The following HECTD4 variants were observed in gnomAD, a reference collection of about 807,000 sequenced individuals.
HECTD4 encodes HECT domain E3 ubiquitin protein ligase 4, also known as probable E3 ubiquitin-protein ligase HECTD4.
Under a neutral mutation model 471.5 loss-of-function variants are expected in HECTD4, and 114 were observed. That is an observed-to-expected ratio of 0.24 (90% confidence interval 0.21 to 0.28). The LOEUF (loss-of-function observed/expected upper bound fraction) is 0.28. HECTD4 is among the 10% of genes least tolerant of loss of function. The probability of loss-of-function intolerance (pLI) is 1.00; values close to 1 mark genes in which losing one functional copy is unlikely to be tolerated. For synonymous variants in HECTD4, 2,012 were observed against 2,256.0 expected (o/e 0.89, Z 3.07); for missense variants, 3,866 against 5,651.5 (o/e 0.68, Z 10.13).
At chr12:112,216,423 T>C (rs1392677049) in intron 47 of HECTD4, 52 bp from the exon 48 acceptor site, 2 of 1,241,622 alleles carry the variant, frequency 1.6e-6, no homozygotes, top group Non-Finnish European at 2.3e-6. Context: ...TAAGCCTCAC[T>C]GGCCAACACA....
At chr12:112,314,677 TG>T (rs1053170598) in intron 2 of HECTD4, 131 bp from the exon 3 acceptor site, 1 of 616,010 alleles carries the variant, frequency 1.6e-6, no homozygotes, top group African/African-American at 1.8e-5. Context: ...GGTCAGATGA[TG>T]TGTTGTAAAA....
Position 112,164,240 on chromosome 12 carries a change from A to G in HECTD4, c.12570T>C (p.Ala4190=), listed in dbSNP as rs556039865. The change falls in exon 73 of 76, where the codon GCT becomes GCC. Residue 4190 remains alanine, a synonymous_variant. Transcript: ENST00000682272. ...NDETELEALC[A]EIASQHLATE... ...TGGCCAGGTGCTGGGAGGCGATCTC[A>G]GCGCACAGGGCCTCCAGCTCGGTCT... 1.2e-6 allele frequency: 2 copies of G among 1,613,494 alleles called. No individual in the cohort carries two copies. Among genetic ancestry groups the G allele is most frequent in the East Asian group, 2.2e-5 (1 of 44,872 alleles).
chr12:112,309,664 C>A lies in HECTD4; in HGVS notation c.922G>T (p.Asp308Tyr). 1 of 1,506,208 alleles carries A rather than the reference C, an allele frequency of 6.6e-7. No individual in the cohort carries two copies. Among genetic ancestry groups the A allele is most frequent in the South Asian group, 1.2e-5 (1 of 80,290 alleles). The allele number at this position is 1,506,208 out of a possible 1,614,324, so 93.3% of individuals were successfully genotyped here. A position where few individuals can be genotyped will look rare whatever the true frequency, so the allele number is the denominator to read the frequency against. The change falls in exon 5 of 76, where the codon GAC becomes TAC. Residue 308 changes from aspartate to tyrosine, a missense_variant. Coordinates refer to ENST00000682272, the MANE Select transcript of HECTD4 (RefSeq NM_001388303.1). ...TCTGCCGTGAGACAGCGTCCCAAGTCAGCATCTGAAATCGTTTTTTCACAG... is the reference window on the plus strand; with the variant it reads ...TCTGCCGTGAGACAGCGTCCCAAGTAAGCATCTGAAATCGTTTTTTCACAG... ...TGSSSENKDADLGRCLTADGL... is the reference protein window; with the variant it reads ...TGSSSENKDAYLGRCLTADGL...
chr12:112,318,006 T>A (rs1252211002), intron 2 of HECTD4, among the ~76,000 whole-genome samples: 1 of 143,020 alleles, frequency 7.0e-6, no homozygotes, highest in East Asian at 2.1e-4. Flanking sequence ...CCAGGCACAG[T>A]GGCTCATGCC....
chr12:112,309,764 A>G, intron 4 of HECTD4, 95 bp from the exon 5 acceptor site: 1 of 587,128 alleles, frequency 1.7e-6, no homozygotes. Context: ...TAGGAGGTTG[A>G]GTGAAAGATT....
rs929996759 is a variant in HECTD4, at chr12:112,163,843, C to T, written c.12702-106G>A. ...TCCCGGATCCTCTCTTGGGAGAGGC[C>T]TGGGGCCCAGCCGCCCTGGTCATCC... On this transcript the variant is annotated intron_variant, in intron 73 of 75. Transcript: ENST00000682272. The surrounding 1 kb of genome is among the most constrained non-coding windows in gnomAD (Gnocchi z 8.2). 2.5e-5 allele frequency: 27 copies of T among 1,100,314 alleles called. No homozygotes were observed. The African/African-American group carries it at 3.4e-4, about 14-fold the overall frequency. The allele number at this position is 1,100,314 out of a possible 1,614,324, so 68.2% of individuals were successfully genotyped here. A position where few individuals can be genotyped will look rare whatever the true frequency, so the allele number is the denominator to read the frequency against.
intron 44 of HECTD4, 103 bp from the exon 45 acceptor site, chr12:112,219,592 A>G: frequency 2.8e-6 from 2 of 713,612 alleles, no homozygotes; most frequent in East Asian, 3.0e-5. Flanking sequence ...GCACTTATAG[A>G]GCTCATTGAA....
intron 1 of HECTD4, among the ~76,000 whole-genome samples, chr12:112,328,124 A>C (rs1188700253): frequency 1.4e-5 from 2 of 146,478 alleles, no homozygotes. Flanking sequence ...TTATTTATTT[A>C]TTTATTTATT....
chr12:112,351,330 T>A (rs562582272), intron 1 of HECTD4, among the ~76,000 whole-genome samples: 4 of 152,194 alleles, frequency 2.6e-5, no homozygotes, highest in Non-Finnish European at 5.9e-5. Context: ...TTTGGCACTA[T>A]CATCTCTAAC....
chr12:112,263,474 T>C (rs1249697763), intron 17 of HECTD4, among the ~76,000 whole-genome samples: 1 of 152,156 alleles, frequency 6.6e-6, no homozygotes, highest in African/African-American at 2.4e-5. Flanking sequence ...ATAACAACCA[T>C]GGCTATAAAA....
intron 1 of HECTD4, among the ~76,000 whole-genome samples, chr12:112,360,896 A>T (rs1206364777): frequency 6.6e-6 from 1 of 151,936 alleles, no homozygotes; most frequent in Non-Finnish European, 1.5e-5. Context: ...AGGCAGGAGA[A>T]TCGCTTGAAC....
chr12:112,298,944 G>A (rs908741793), intron 7 of HECTD4, among the ~76,000 whole-genome samples: 21 of 151,018 alleles, frequency 1.4e-4, no homozygotes, highest in Non-Finnish European at 2.8e-4. Context: ...CCCAGCTGCC[G>A]TATATATTTC....
chr12:112,184,418 G>A lies in HECTD4; in HGVS notation c.10548C>T (p.Leu3516=). The A allele has an allele frequency of 2.5e-6, 4 of 1,606,020 alleles. No homozygotes were observed. Among genetic ancestry groups the A allele is most frequent in the South Asian group, 1.1e-5 (1 of 90,732 alleles). ...ACAGGCCCGGAGGGATGGGCAGCTC[G>A]AGGCCGGCAGGCAGCGGATCCACAG... The part of the protein sequence containing the change: ...DLSVDPLPAG[L]ELPIPPGLLE... Residue 3516 remains leucine, a synonymous_variant, in exon 61 of 76, where the codon CTC becomes CTT. Coordinates refer to ENST00000682272, the MANE Select transcript of HECTD4 (RefSeq NM_001388303.1). This position sits in a 1 kb window ranked among gnomAD's most constrained non-coding sequence, Gnocchi z 9.1.
At chr12:112,326,676 G>A (rs1419378950) in intron 1 of HECTD4, among the ~76,000 whole-genome samples, 4 of 152,066 alleles carry the variant, frequency 2.6e-5, no homozygotes, top group South Asian at 2.1e-4. Context: ...GCATATAGAC[G>A]CTTTTGAAGT....
In HECTD4 at chr12:112,163,085, C is replaced by T. The variant is rs1416552308; in HGVS notation, c.13077G>A (p.Val4359=). Reference sequence around the variant, plus strand: ...GGGCGATCTTCATGGGGTACGGGGGCACATGGGCAGTGTCGGGACCCCCAT... The same window carrying T: ...GGGCGATCTTCATGGGGTACGGGGGTACATGGGCAGTGTCGGGACCCCCAT... ...CKDGGPDTAH[V]PPYPMKIAPP... is the part of the protein sequence containing the mutation. Residue 4359 remains valine, a synonymous_variant, in exon 75 of 76, where the codon GTG becomes GTA. Coordinates refer to ENST00000682272, the MANE Select transcript of HECTD4 (RefSeq NM_001388303.1). This position sits in a 1 kb window ranked among gnomAD's most constrained non-coding sequence, Gnocchi z 8.2. 3 of 1,613,680 alleles carry T rather than the reference C, an allele frequency of 1.9e-6. No homozygotes were observed. The East Asian group carries it at 6.7e-5, about 36-fold the overall frequency.
chr12:112,259,400 A>G (rs2034094965), intron 18 of HECTD4, 135 bp from the exon 19 acceptor site: 1 of 824,436 alleles, frequency 1.2e-6, no homozygotes, highest in African/African-American at 1.8e-5. Context: ...AGCGATAGCA[A>G]TTCAGTCCAC....
chr12:112,267,964 G>A (rs1357614692), intron 13 of HECTD4, among the ~76,000 whole-genome samples: 1 of 152,124 alleles, frequency 6.6e-6, no homozygotes, highest in African/African-American at 2.4e-5. Context: ...GGGACTACAG[G>A]TTCTTGCCAG....
intron 64 of HECTD4, 132 bp from the exon 65 acceptor site, chr12:112,176,834 G>A: frequency 1.4e-6 from 1 of 710,350 alleles, no homozygotes; most frequent in Non-Finnish European, 2.4e-6. Flanking sequence ...TAGGGCGGGG[G>A]CGTTCAAGAC....
At chr12:112,315,098 C>T (rs1404094767) in intron 2 of HECTD4, among the ~76,000 whole-genome samples, 1 of 152,184 alleles carries the variant, frequency 6.6e-6, no homozygotes, top group Non-Finnish European at 1.5e-5. Context: ...CAGGGCTCAC[C>T]GCTACCTGAA....
Sources: gnomAD v4.1 joint callset for allele counts (sites outside exome capture counted in the v4.1 genomes callset) on GRCh38, gnomAD v4.1.1 for gene constraint, Gnocchi (gnomAD v3.1) non-coding constraint, MANE v1.5 for transcripts, NCBI Gene and HGNC (gene_info 2026-07-23, HGNC 2026-07-21) for gene names.